Variants in IK observed in about 807,000 individuals in gnomAD.
IK encodes the protein IK cytokine, also known as protein Red.
IK carries 47 observed loss-of-function variants against 90.9 expected under a neutral mutation model. The observed-to-expected ratio is 0.52, with a 90% CI of 0.41 to 0.66. The LOEUF (loss-of-function observed/expected upper bound fraction) is 0.66, where lower values mean the gene tolerates loss of function less well. Ranked by LOEUF, IK falls within the 30% of genes least tolerant of loss-of-function variation. The pLI is 0.00. For synonymous variants in IK, 201 were observed against 227.5 expected (o/e 0.88, Z 1.05); for missense variants, 385 against 709.3 (o/e 0.54, Z 5.19).
intron 15 of IK, 99 bp downstream of exon 15, chr5:140,660,294 T>C: frequency 6.4e-6 from 1 of 157,018 alleles, no homozygotes; most frequent in East Asian, 1.7e-4. Context: ...GGCTACTTCT[T>C]TTTTTTTTTT....
chr5:140,659,921 T>C lies in IK; in HGVS notation c.1274+87T>C, dbSNP rs1210278197. ...CCTGCCTCCCTGCTCCCTCCTACCC[T>C]GCCCCTCTCCTTCCCTTTTACGCTG... is the stretch of plus-strand genomic sequence containing the variant. On this transcript the variant is annotated intron_variant, in intron 14 of 19. Coordinates refer to ENST00000417647, the MANE Select transcript of IK (RefSeq NM_006083.4). 2.0e-5 allele frequency: 20 copies of C among 1,012,428 alleles called. No individual in the cohort carries two copies. The Middle Eastern group carries it at 8.1e-4, about 41-fold the overall frequency. 62.7% of individuals were successfully genotyped at this position (1,012,428 alleles called of 1,614,324 possible).
At chr5:140,650,081 C>T (rs188949653) in intron 2 of IK, among the ~76,000 whole-genome samples, 12 of 152,236 alleles carry the variant, frequency 7.9e-5, no homozygotes, top group African/African-American at 1.9e-4. Flanking sequence ...AGGACTCATC[C>T]GTGGCCTGCT....
At chr5:140,655,469 T>A (rs1352072853) in intron 8 of IK, among the ~76,000 whole-genome samples, 1 of 152,228 alleles carries the variant, frequency 6.6e-6, no homozygotes, top group East Asian at 1.9e-4. Context: ...TCATCATCAA[T>A]ATTACCTTAA....
At chr5:140,654,332 G>A (rs1757670053) in intron 6 of IK, among the ~76,000 whole-genome samples, 184 bp from the exon 7 acceptor site, 1 of 152,178 alleles carries the variant, frequency 6.6e-6, no homozygotes, top group African/African-American at 2.4e-5. Context: ...ATTTACCACA[G>A]CAGTTATTGT....
chr5:140,653,505 C>G (rs1273473975), intron 5 of IK, among the ~76,000 whole-genome samples: 3 of 150,850 alleles, frequency 2.0e-5, no homozygotes, highest in Admixed American at 6.6e-5. Context: ...CCAGGCTGGT[C>G]TCGATCTGAC....
Position 140,651,738 on chromosome 5 carries a change from C to T in IK, c.108C>T (p.Phe36=), listed in dbSNP as rs1395333781. Reference sequence around the variant, plus strand: ...GATCAAAACTCACCAATGAAGACTTCAGGAAACTTCTCATGACCCCCAGGG... The same window carrying T: ...GATCAAAACTCACCAATGAAGACTTTAGGAAACTTCTCATGACCCCCAGGG... ...FHQSKLTNED[F]RKLLMTPRAA... The change falls in exon 3 of 20, where the codon TTC becomes TTT. Residue 36 remains phenylalanine (F), a synonymous_variant. Coordinates refer to ENST00000417647, the MANE Select transcript of IK (RefSeq NM_006083.4). The T allele has an allele frequency of 5.0e-6, 8 of 1,610,726 alleles. No individual in the cohort carries two copies. The highest frequency in any genetic ancestry group is 6.8e-6 in the Non-Finnish European group (8 of 1,177,136).
At chr5:140,656,353 T>C (rs1757709098) in intron 9 of IK, among the ~76,000 whole-genome samples, 1 of 152,090 alleles carries the variant, frequency 6.6e-6, no homozygotes, top group Admixed American at 6.5e-5. Flanking sequence ...TCACCACACC[T>C]GGTTAATTTT....
rs1043432146 is a variant in IK at position 140,654,013 on chromosome 5, C to T, written c.480C>T (p.Thr160=). Residue 160 remains threonine (T), a synonymous_variant, in exon 6 of 20, where the codon ACC becomes ACT. Transcript: ENST00000417647. ...SKFLGGDMEH[T]HLVKGLDFAL... ...TCTTGGGTGGTGACATGGAACACACCCATTTGGTGAAAGGCTTGGATTTTG... is the reference window on the plus strand; with the variant it reads ...TCTTGGGTGGTGACATGGAACACACTCATTTGGTGAAAGGCTTGGATTTTG... 1.9e-6 allele frequency: 3 copies of T among 1,611,226 alleles called. No individual in the cohort carries two copies. Among genetic ancestry groups the T allele is most frequent in the Middle Eastern group, 1.6e-4 (1 of 6,072 alleles).
intron 3 of IK, 62 bp from the exon 4 acceptor site, chr5:140,652,026 T>G: frequency 1.5e-6 from 2 of 1,316,380 alleles, no homozygotes; most frequent in Non-Finnish European, 2.2e-6. Context: ...TCAAGGAGAC[T>G]TCTTGGGGTT....
intron 10 of IK, among the ~76,000 whole-genome samples, chr5:140,658,063 G>A (rs922557082): frequency 2.0e-5 from 3 of 152,016 alleles, no homozygotes; most frequent in South Asian, 4.2e-4. Flanking sequence ...ACAGTGGTGC[G>A]ATGTCTGCTC....
intron 2 of IK, among the ~76,000 whole-genome samples, chr5:140,649,592 A>G (rs745843726): frequency 6.6e-6 from 1 of 152,096 alleles, no homozygotes; most frequent in Non-Finnish European, 1.5e-5. Flanking sequence ...CTGGAGTTCA[A>G]TGGCATTATT....
chr5:140,658,525 A>G (rs1212297597), intron 10 of IK, among the ~76,000 whole-genome samples: 2 of 151,754 alleles, frequency 1.3e-5, no homozygotes, highest in Non-Finnish European at 2.9e-5. Flanking sequence ...TCACCATGTT[A>G]GCCAGGCTGG....
chr5:140,658,816 G>C (rs1026169797), intron 11 of IK, 40 bp downstream of exon 11: 1 of 1,600,222 alleles, frequency 6.2e-7, no homozygotes, highest in African/African-American at 1.3e-5. Context: ...AGAGGGAGGG[G>C]GTCTGTACAT....
At chr5:140,649,182 CTTTTT>C (rs980936785) in intron 2 of IK, among the ~76,000 whole-genome samples, 316 of 143,052 alleles carry the variant, frequency 2.2e-3, no homozygotes, top group African/African-American at 6.7e-3. Context: ...CAGTCCATTT[CTTTTT>C]TTTTTTCTTT....
At chr5:140,660,531 C>T (rs1367583474) in intron 15 of IK, 1 of 546,514 alleles carries the variant, frequency 1.8e-6, no homozygotes, top group Non-Finnish European at 3.2e-6. Context: ...CTCCTGACCT[C>T]AGGTAATCTG....
Position 140,662,335 on chromosome 5 carries a change from A to G in IK, c.*6A>G. On this transcript the variant is annotated 3_prime_UTR_variant, in exon 20 of 20. Transcript: ENST00000417647. ...TCAAAAGACCAAAATACTAATCACT[A>G]GTTACAACCAGAGATGCTCCACAAG... is the stretch of plus-strand genomic sequence containing the variant. 2 of 1,613,718 alleles carry G rather than the reference A, an allele frequency of 1.2e-6. No individual in the cohort carries two copies. The highest frequency in any genetic ancestry group is 1.7e-6 in the Non-Finnish European group (2 of 1,179,580).
rs7706685 is a variant in IK, at chr5:140,661,261, G to A, written c.1414-359G>A. ...GTTCTTCCCCTGAGTTCACTGTATT[G>A]AAATAGCATGGTTTAATCTTGGAGC... On this transcript the variant is annotated intron_variant, in intron 16 of 19. Coordinates refer to ENST00000417647, the MANE Select transcript of IK (RefSeq NM_006083.4). This position sits in a 1 kb window ranked among gnomAD's most constrained non-coding sequence, Gnocchi z 4.2. 3,426 of 277,148 alleles carry A rather than the reference G, an allele frequency of 0.012. 116 individuals carry two copies. Among genetic ancestry groups the A allele is most frequent in the African/African-American group, 0.072 (3,237 of 44,798 alleles). 17.2% of individuals were successfully genotyped at this position (277,148 alleles called of 1,614,324 possible). A position where few individuals can be genotyped will look rare whatever the true frequency, so the allele number is the denominator to read the frequency against.
chr5:140,662,323 A>G lies in IK; in HGVS notation c.1668A>G (p.Lys556=). Residue 556 remains lysine, a synonymous_variant, in exon 20 of 20, where the codon AAA becomes AAG. Coordinates refer to ENST00000417647, the MANE Select transcript of IK (RefSeq NM_006083.4). ...EADGVEVKRP[K]Y is the part of the protein sequence containing the mutation. ...GCAGGGTTGAAGTCAAAAGACCAAAATACTAATCACTAGTTACAACCAGAG... is the reference window on the plus strand; with the variant it reads ...GCAGGGTTGAAGTCAAAAGACCAAAGTACTAATCACTAGTTACAACCAGAG... 1 of 1,614,002 alleles carries G rather than the reference A, an allele frequency of 6.2e-7. No individual in the cohort carries two copies. The highest frequency in any genetic ancestry group is 8.5e-7 in the Non-Finnish European group (1 of 1,179,842).
In IK at chr5:140,655,167, C is replaced by T. The variant is rs1044888923; in HGVS notation, c.637+440C>T. On this transcript the variant is annotated intron_variant, in intron 8 of 19. Coordinates refer to ENST00000417647, the MANE Select transcript of IK (RefSeq NM_006083.4). ...ACATAGATTTAATTATTTCATATGT[C>T]ATTTATGTCTCCTCAGGTAGATTGA... Among the ~76,000 whole-genome samples the T allele has an allele frequency of 1.4e-4, 21 of 152,194 alleles. No individual in the cohort carries two copies. The South Asian group carries it at 1.7e-3, about 12-fold the overall frequency.
Sources: allele counts gnomAD v4.1 joint callset (sites outside exome capture counted in the v4.1 genomes callset), GRCh38; gene constraint gnomAD v4.1.1; non-coding constraint Gnocchi (gnomAD v3.1); transcripts MANE v1.5; gene names NCBI Gene and HGNC (gene_info 2026-07-23, HGNC 2026-07-21).